ALMS1: variants seen among roughly 807,000 people sequenced by gnomAD.
ALMS1 encodes centrosome-associated protein ALMS1.
A neutral mutation model predicts 352.2 loss-of-function variants in ALMS1; 271 were observed. The ratio of observed to expected loss-of-function variants is 0.77; its 90% CI spans 0.70 to 0.85. The LOEUF is 0.85. Ranked by LOEUF, ALMS1 falls within the 40% of genes least tolerant of loss-of-function variation. The pLI, the probability that ALMS1 is intolerant of heterozygous loss-of-function variation, is 0.00. For synonymous variants in ALMS1, 1,865 were observed against 1,761.2 expected, an observed-to-expected ratio of 1.06 and a Z score of -1.48; for missense variants, 5,445 against 4,870.7, an observed-to-expected ratio of 1.12 and a Z score of -3.51.
chr2:73,547,958 T>C (rs1674355306), intron 12 of ALMS1, among the ~76,000 whole-genome samples: 1 of 151,978 alleles, frequency 6.6e-6, no homozygotes, highest in Admixed American at 6.6e-5. Flanking sequence ...GATAGGAGTA[T>C]GGAGAGTGAG....
chr2:73,397,005 G>T (rs1334809952), intron 1 of ALMS1, among the ~76,000 whole-genome samples: 1 of 152,068 alleles, frequency 6.6e-6, no homozygotes, highest in East Asian at 1.9e-4. Context: ...AATACTCTGG[G>T]AATATTCAAA....
At chr2:73,550,228 G>A (rs750235346) in intron 12 of ALMS1, 39 bp from the exon 13 acceptor site, 17 of 1,610,044 alleles carry the variant, frequency 1.1e-5, no homozygotes, top group Middle Eastern at 1.7e-4. Flanking sequence ...ATCTCATGTC[G>A]CTATTTGTGT....
chr2:73,460,477 T>A (rs1403618820), intron 9 of ALMS1, among the ~76,000 whole-genome samples: 1 of 152,114 alleles, frequency 6.6e-6, no homozygotes, highest in Non-Finnish European at 1.5e-5. Context: ...GATGGCCAAA[T>A]AGGAACAGCT....
At chr2:73,589,963 C>A (rs1675390498) in intron 16 of ALMS1, among the ~76,000 whole-genome samples, 1 of 152,164 alleles carries the variant, frequency 6.6e-6, no homozygotes, top group African/African-American at 2.4e-5. Context: ...TGAAAATTTC[C>A]ATTTCTACTT....
chr2:73,596,007 C>T (rs1044766969), intron 16 of ALMS1, among the ~76,000 whole-genome samples: 1 of 152,200 alleles, frequency 6.6e-6, no homozygotes, highest in Non-Finnish European at 1.5e-5. Flanking sequence ...AAAGAGCTCT[C>T]TATATACTCT....
At chr2:73,598,554 A>G (rs1444337675) in intron 16 of ALMS1, among the ~76,000 whole-genome samples, 1 of 152,188 alleles carries the variant, frequency 6.6e-6, no homozygotes, top group Non-Finnish European at 1.5e-5. Flanking sequence ...ATCTAGTTCA[A>G]GGGATCAGAT....
intron 1 of ALMS1, among the ~76,000 whole-genome samples, chr2:73,390,853 C>T (rs761120423): frequency 7.9e-5 from 12 of 151,934 alleles, no homozygotes; most frequent in Non-Finnish European, 1.6e-4. Context: ...TAACTGCAAC[C>T]TCCGCCTCCC....
intron 12 of ALMS1, among the ~76,000 whole-genome samples, chr2:73,538,820 G>C (rs574188181): frequency 1.3e-5 from 2 of 152,178 alleles, no homozygotes; most frequent in African/African-American, 4.8e-5. Flanking sequence ...ACTGCAAGGC[G>C]GCAGCGAGGC....
In ALMS1 at chr2:73,424,850, G is replaced by A. The variant is rs1450546722; in HGVS notation, c.1185G>A (p.Gly395=). The A allele has an allele frequency of 1.9e-6, 3 of 1,608,104 alleles. No homozygotes were observed. Among genetic ancestry groups the A allele is most frequent in the East Asian group, 2.2e-5 (1 of 44,774 alleles). ...ATTTTGATGCTGCTCGTTCATATGGGCAGTATTGGACACAGGAAGATTCAT... is the reference window on the plus strand; with the variant it reads ...ATTTTGATGCTGCTCGTTCATATGGACAGTATTGGACACAGGAAGATTCAT... ...SDHFDAARSY[G]QYWTQEDSSK... The change falls in exon 5 of 23, where the codon GGG becomes GGA. Residue 395 remains glycine, a synonymous_variant. Transcript: ENST00000613296.
intron 1 of ALMS1, among the ~76,000 whole-genome samples, chr2:73,395,046 A>ATATATATGTGTATATATATGTGTGTG (rs1558628447): frequency 9.0e-6 from 1 of 111,502 alleles, no homozygotes; most frequent in African/African-American, 3.4e-5. Context: ...ATGTGTGTGT[A>ATATATATGTGTATATATATGTGTGTG]TATATATATA....
intron 10 of ALMS1, among the ~76,000 whole-genome samples, chr2:73,517,246 C>G (rs373232972): frequency 9.5e-6 from 1 of 105,000 alleles, no homozygotes; most frequent in East Asian, 2.4e-4. Flanking sequence ...AAGTTTTAGT[C>G]TTTTTTTTTT....
At chr2:73,512,766 C>T (rs1197421815) in intron 10 of ALMS1, among the ~76,000 whole-genome samples, 4 of 152,090 alleles carry the variant, frequency 2.6e-5, no homozygotes, top group African/African-American at 9.7e-5. Flanking sequence ...TGTATGTCCC[C>T]GTCATCTTTT....
intron 10 of ALMS1, among the ~76,000 whole-genome samples, chr2:73,499,175 GT>G (rs1673169844): frequency 6.6e-6 from 1 of 151,926 alleles, no homozygotes; most frequent in Non-Finnish European, 1.5e-5. Context: ...GTAGTTTTTA[GT>G]TTTAGTGTTT....
intron 10 of ALMS1, among the ~76,000 whole-genome samples, chr2:73,508,378 T>C (rs1673380938): frequency 2.6e-5 from 4 of 151,946 alleles, no homozygotes; most frequent in Admixed American, 2.6e-4. Context: ...AATTTCTTTT[T>C]GTATTTTTAG....
chr2:73,606,796 T>G (rs1054550393), intron 21 of ALMS1, among the ~76,000 whole-genome samples: 4 of 152,184 alleles, frequency 2.6e-5, no homozygotes, highest in Non-Finnish European at 5.9e-5. Flanking sequence ...TTGTGTCCTA[T>G]TAAGGATTTG....
At chr2:73,539,298 C>A (rs1350087704) in intron 12 of ALMS1, among the ~76,000 whole-genome samples, 1 of 152,170 alleles carries the variant, frequency 6.6e-6, no homozygotes, top group Non-Finnish European at 1.5e-5. Context: ...CTCCAGCAAA[C>A]TCCAACAGAC....
rs781641377 is a variant in ALMS1, at chr2:73,550,378, G to C, written c.10019G>C (p.Arg3340Thr). 2.5e-6 allele frequency: 4 copies of C among 1,614,180 alleles called. No homozygotes were observed. Among genetic ancestry groups the C allele is most frequent in the Non-Finnish European group, 3.4e-6 (4 of 1,180,032 alleles). Residue 3340 changes from arginine to threonine, a missense_variant, in exon 13 of 23, where the codon AGG becomes ACG. Coordinates refer to ENST00000613296, the MANE Select transcript of ALMS1 (RefSeq NM_001378454.1). ...IKHKEGIYSK[R>T]VVTKASLPVG... ...CATAAAGAAGGAATCTACAGTAAGA[G>C]GGTAGTGACTAAGGCATCCTTGCCA...
At chr2:73,464,147 G>C (rs1424648668) in intron 9 of ALMS1, among the ~76,000 whole-genome samples, 1 of 152,080 alleles carries the variant, frequency 6.6e-6, no homozygotes, top group Non-Finnish European at 1.5e-5. Flanking sequence ...AACCAAAAAA[G>C]AGAATTTTAG....
intron 6 of ALMS1, among the ~76,000 whole-genome samples, chr2:73,429,240 T>C (rs1313586928): frequency 6.6e-6 from 1 of 151,966 alleles, no homozygotes; most frequent in Non-Finnish European, 1.5e-5. Context: ...TTTGTTTTTC[T>C]TTCTCCTTTT....
Sources: gnomAD v4.1 joint callset for allele counts (sites outside exome capture counted in the v4.1 genomes callset) on GRCh38, gnomAD v4.1.1 for gene constraint, MANE v1.5 for transcripts, NCBI Gene and HGNC (gene_info 2026-07-23, HGNC 2026-07-21) for gene names.